The following ASAP2 variants were observed in gnomAD, a reference collection of about 807,000 sequenced individuals.
ASAP2 encodes the protein ArfGAP with SH3 domain, ankyrin repeat and PH domain 2.
A neutral mutation model predicts 131.4 loss-of-function variants in ASAP2; 45 were observed. The ratio of observed to expected loss-of-function variants is 0.34; its 90% CI spans 0.27 to 0.44. The LOEUF (loss-of-function observed/expected upper bound fraction) is 0.44. Ranked by LOEUF, ASAP2 falls within the 20% of genes least tolerant of loss-of-function variation. The probability of loss-of-function intolerance (pLI) is 1.00; values close to 1 mark genes in which losing one functional copy is unlikely to be tolerated. For synonymous variants in ASAP2, 510 were observed against 503.0 expected (o/e 1.01, Z -0.19); for missense variants, 1,011 against 1,297.0 (o/e 0.78, Z 3.39).
At chr2:9,301,455 G>T (rs1179489449) in intron 3 of ASAP2, among the ~76,000 whole-genome samples, 3 of 152,178 alleles carry the variant, frequency 2.0e-5, no homozygotes, top group African/African-American at 7.2e-5. Context: ...CCTAGTTTCA[G>T]GGGTTCTTTT....
At chr2:9,249,528 T>A in intron 1 of ASAP2, among the ~76,000 whole-genome samples, 1 of 152,200 alleles carries the variant, frequency 6.6e-6, no homozygotes, top group East Asian at 1.9e-4. Context: ...CTTGCAAAGA[T>A]TGCCCTGTAG....
intron 1 of ASAP2, among the ~76,000 whole-genome samples, chr2:9,240,490 C>T (rs914615386): frequency 1.3e-5 from 2 of 152,082 alleles, no homozygotes; most frequent in Non-Finnish European, 2.9e-5. Flanking sequence ...GAGCGATTCA[C>T]CTGCCTTGGC....
intron 1 of ASAP2, among the ~76,000 whole-genome samples, chr2:9,209,509 T>C (rs1170868138): frequency 6.6e-6 from 1 of 152,248 alleles, no homozygotes; most frequent in Non-Finnish European, 1.5e-5. Context: ...ATAAATAAAA[T>C]TTGCAAGCTC....
rs59968284 is a variant in ASAP2, at chr2:9,380,820, A to C, written c.2016+12A>C. 8.3e-3 allele frequency: 13,366 copies of C among 1,613,484 alleles called. 485 individuals are homozygous for C. The African/African-American group carries it at 0.11, about 13-fold the overall frequency. ...ACTGTGAGGAGCTGGTGAGTCTCCCACCACAAGGACGGGGTGGGGCACCTG... is the reference window on the plus strand; with the variant it reads ...ACTGTGAGGAGCTGGTGAGTCTCCCCCCACAAGGACGGGGTGGGGCACCTG... On this transcript the variant is annotated intron_variant, in intron 20 of 27. Coordinates refer to ENST00000281419, the MANE Select transcript of ASAP2 (RefSeq NM_003887.3).
intron 21 of ASAP2, among the ~76,000 whole-genome samples, chr2:9,385,790 C>T (rs1675215115): frequency 1.3e-5 from 2 of 152,192 alleles, no homozygotes; most frequent in African/African-American, 2.4e-5. Context: ...GGTCCAACCC[C>T]TTCCTTTATC....
chr2:9,268,723 T>C lies in ASAP2; in HGVS notation c.127-10594T>C, dbSNP rs544964475. On this transcript the variant is annotated intron_variant, in intron 1 of 27. Transcript: ENST00000281419. The surrounding 1 kb of genome is among the most constrained non-coding windows in gnomAD (Gnocchi z 4.1). ...GTGTTTTGTTTTTTGTTTTGTCTAC[T>C]GTCTTTCAGAAATGTCCCTTCTTCT... 5.3e-5 allele frequency among the ~76,000 whole-genome samples: 8 copies of C among 152,352 alleles called. No homozygotes were observed. The South Asian group carries it at 1.4e-3, about 28-fold the overall frequency.
intron 24 of ASAP2, among the ~76,000 whole-genome samples, chr2:9,395,585 GTTTTTTTTCTTTT>G (rs1676060658): frequency 1.3e-5 from 1 of 76,218 alleles, no homozygotes; most frequent in Non-Finnish European, 3.2e-5. Flanking sequence ...TTTTTCTTGT[GTTTTTTTTCTTTT>G]TTTTTTTTTT....
intron 3 of ASAP2, among the ~76,000 whole-genome samples, chr2:9,317,203 CCA>C (rs1453955050): frequency 3.8e-5 from 5 of 132,174 alleles, no homozygotes; most frequent in Non-Finnish European, 6.9e-5. Context: ...GCAATCACAC[CCA>C]CTCACATCCA....
intron 6 of ASAP2, 34 bp from the exon 7 acceptor site, chr2:9,327,792 A>G (rs1158853759): frequency 1.3e-6 from 2 of 1,504,948 alleles, no homozygotes; most frequent in African/African-American, 1.4e-5. Flanking sequence ...TATTCTGCTT[A>G]CTTCCATGAC....
chr2:9,284,188 T>C (rs922865497), intron 2 of ASAP2, among the ~76,000 whole-genome samples: 2 of 152,178 alleles, frequency 1.3e-5, no homozygotes, highest in African/African-American at 4.8e-5. Context: ...GATTAGGAGG[T>C]GGGCATCTGG....
intron 1 of ASAP2, among the ~76,000 whole-genome samples, chr2:9,257,241 G>T (rs1441374215): frequency 6.6e-6 from 1 of 152,156 alleles, no homozygotes; most frequent in African/African-American, 2.4e-5. Flanking sequence ...GTTCCTTAGG[G>T]TTCAGCTAAT....
At chr2:9,390,945 A>G in intron 22 of ASAP2, 117 bp from the exon 23 acceptor site, 1 of 1,501,232 alleles carries the variant, frequency 6.7e-7, no homozygotes, top group Non-Finnish European at 9.1e-7. Context: ...TAGAAGGGTC[A>G]TACTGACCGT....
chr2:9,294,448 C>T (rs1391591900), intron 2 of ASAP2, among the ~76,000 whole-genome samples: 1 of 152,140 alleles, frequency 6.6e-6, no homozygotes, highest in Non-Finnish European at 1.5e-5. Flanking sequence ...CTCTCTCCTA[C>T]CAAGGGCTGG....
chr2:9,214,229 C>CTTTTCT (rs1661818634), intron 1 of ASAP2, among the ~76,000 whole-genome samples: 1 of 152,004 alleles, frequency 6.6e-6, no homozygotes, highest in Non-Finnish European at 1.5e-5. Context: ...TACTTTTTTT[C>CTTTTCT]TTTTCTTTTT....
chr2:9,207,053 T>C lies in ASAP2; in HGVS notation c.-52T>C. On this transcript the variant is annotated 5_prime_UTR_variant, in exon 1 of 28. Transcript: ENST00000281419. This position sits in a 1 kb window ranked among gnomAD's most constrained non-coding sequence, Gnocchi z 4.1. ...CGGCGGTCGGAGCCTGCTGCGGCAG[T>C]TGAGGCGGCGGCGCCCCTGCGGCTG... 1.1e-5 allele frequency: 15 copies of C among 1,412,476 alleles called. No homozygotes were observed. The highest frequency in any genetic ancestry group is 1.4e-5 in the Non-Finnish European group (15 of 1,071,986). 87.5% of individuals were successfully genotyped at this position (1,412,476 alleles called of 1,614,324 possible).
chr2:9,332,702 A>C (rs1027982793), intron 7 of ASAP2, among the ~76,000 whole-genome samples: 3 of 152,294 alleles, frequency 2.0e-5, no homozygotes, highest in African/African-American at 7.2e-5. Flanking sequence ...TTTTGCATTT[A>C]TCACCTGTAA....
intron 3 of ASAP2, among the ~76,000 whole-genome samples, chr2:9,305,535 T>TA (rs1668846191): frequency 7.3e-6 from 1 of 136,454 alleles, no homozygotes; most frequent in Non-Finnish European, 1.6e-5. Flanking sequence ...GGAGGGGCTG[T>TA]AATAGTGGGG....
chr2:9,342,922 G>C (rs1233259794), intron 9 of ASAP2, among the ~76,000 whole-genome samples: 2 of 152,200 alleles, frequency 1.3e-5, no homozygotes, highest in Non-Finnish European at 2.9e-5. Flanking sequence ...TTGCCTTCAT[G>C]TTTAAAACTC....
chr2:9,401,385 C>A lies in ASAP2; in HGVS notation c.2935C>A (p.Gln979Lys). ...GATCATCGTGGACGGGGAGGAGGACCAGGAGTGGTGGGTGAGTCAAGGGTG... is the reference window on the plus strand; with the variant it reads ...GATCATCGTGGACGGGGAGGAGGACAAGGAGTGGTGGGTGAGTCAAGGGTG... ...DVIIVDGEED[Q>K]EWWIGHIDGD... Residue 979 changes from glutamine to lysine, a missense_variant, in exon 27 of 28, where the codon CAG (glutamine) becomes AAG (lysine). By Grantham distance (53) the Gln-to-Lys change is moderately conservative. Around this residue, in one of 2 missense-constraint regions of ASAP2, gnomAD observed 652 missense variants for 698.9 expected, o/e 0.93. Transcript: ENST00000281419. 6.2e-7 allele frequency: 1 copy of A among 1,613,432 alleles called. No homozygotes were observed.
Sources: gnomAD v4.1 joint callset for allele counts (sites outside exome capture counted in the v4.1 genomes callset) on GRCh38, gnomAD v4.1.1 for gene constraint, gnomAD v4.1.1 regional missense constraint, Gnocchi (gnomAD v3.1) non-coding constraint, MANE v1.5 for transcripts, NCBI Gene and HGNC (gene_info 2026-07-23, HGNC 2026-07-21) for gene names.